The following FMN1 variants were observed in gnomAD, a reference collection of about 807,000 sequenced individuals.
FMN1 encodes the protein formin 1.
Under a neutral mutation model 132.4 loss-of-function variants are expected in FMN1, and 110 were observed. The observed-to-expected ratio is 0.83, with a 90% CI of 0.71 to 0.97. The LOEUF (loss-of-function observed/expected upper bound fraction) is 0.97, where lower values mean the gene tolerates loss of function less well. Ranked by LOEUF, FMN1 falls within the 50% of genes least tolerant of loss-of-function variation. The probability of loss-of-function intolerance (pLI) is 0.00; values close to 1 mark genes in which losing one functional copy is unlikely to be tolerated. For missense variants in FMN1, 1,792 were observed against 1,705.3 expected (o/e 1.05, Z -0.90); for synonymous variants, 722 against 651.7 (o/e 1.11, Z -1.64).
At chr15:33,017,511 T>C (rs1204409285) in intron 6 of FMN1, among the ~76,000 whole-genome samples, 2 of 152,110 alleles carry the variant, frequency 1.3e-5, no homozygotes, top group African/African-American at 4.8e-5. Flanking sequence ...GAATTATCAG[T>C]GAGTCAACCT....
intron 17 of FMN1, among the ~76,000 whole-genome samples, chr15:32,829,801 T>C (rs2058458783): frequency 6.6e-6 from 1 of 152,168 alleles, no homozygotes; most frequent in Non-Finnish European, 1.5e-5. Flanking sequence ...TACCAGCATA[T>C]ATAACCATGT....
At chr15:33,085,551 T>A (rs1430203396) in intron 5 of FMN1, among the ~76,000 whole-genome samples, 5 of 149,482 alleles carry the variant, frequency 3.3e-5, no homozygotes. Flanking sequence ...TATATTAAAA[T>A]TATACATATA....
chr15:33,066,534 C>A lies in FMN1; in HGVS notation c.2044-1460G>T, dbSNP rs2037734199. 3 of 1,564,794 alleles carry A rather than the reference C, an allele frequency of 1.9e-6. No individual in the cohort carries two copies. The African/African-American group carries it at 4.1e-5, about 22-fold the overall frequency. ...ACACTTTTGGAATCAGAGGGGCCATCCGCTGGCTTAGAATTGGACCGTTCA... is the reference window on the plus strand; with the variant it reads ...ACACTTTTGGAATCAGAGGGGCCATACGCTGGCTTAGAATTGGACCGTTCA... On this transcript the variant is annotated intron_variant, in intron 5 of 20. Transcript: ENST00000616417.
At chr15:32,947,433 T>C (rs1326064779) in intron 9 of FMN1, among the ~76,000 whole-genome samples, 1 of 152,092 alleles carries the variant, frequency 6.6e-6, no homozygotes, top group African/African-American at 2.4e-5. Flanking sequence ...CTAGCTCTTA[T>C]TACCTTATTT....
At chr15:33,151,221 T>G (rs1325124587) in intron 4 of FMN1, 1 of 1,533,558 alleles carries the variant, frequency 6.5e-7, no homozygotes, top group Admixed American at 2.0e-5. Flanking sequence ...ATAGGAAGTC[T>G]CCACAGTAGA....
At chr15:32,902,316 T>C (rs2060317972) in intron 12 of FMN1, among the ~76,000 whole-genome samples, 1 of 152,160 alleles carries the variant, frequency 6.6e-6, no homozygotes, top group Non-Finnish European at 1.5e-5. Flanking sequence ...AAACAAGTTA[T>C]CTATCTCCTG....
intron 4 of FMN1, among the ~76,000 whole-genome samples, chr15:33,115,021 TTA>T (rs1364579301): frequency 3.9e-5 from 6 of 152,192 alleles, no homozygotes; most frequent in Non-Finnish European, 1.5e-5. Flanking sequence ...TGTATTGATT[TTA>T]TAGAGTCCTC....
At chr15:33,115,494 C>A (rs1345725934) in intron 4 of FMN1, among the ~76,000 whole-genome samples, 53 of 116,450 alleles carry the variant, frequency 4.6e-4, no homozygotes, top group Non-Finnish European at 8.5e-4. Context: ...TCCTTAAGCC[C>A]CCCCCCCCCA....
chr15:32,922,936 G>A (rs2060869172), intron 10 of FMN1, among the ~76,000 whole-genome samples: 1 of 152,200 alleles, frequency 6.6e-6, no homozygotes, highest in South Asian at 2.1e-4. Flanking sequence ...GGGGAAAATG[G>A]CAGGTAGAGG....
chr15:33,021,029 C>T (rs73374843), intron 6 of FMN1, among the ~76,000 whole-genome samples: 1,656 of 152,250 alleles, frequency 0.011, 28 homozygotes, highest in African/African-American at 0.038. Context: ...TATAAGCTGA[C>T]GTGATGTAAG....
chr15:32,884,433 C>T (rs1596173981), intron 16 of FMN1, among the ~76,000 whole-genome samples: 1 of 152,290 alleles, frequency 6.6e-6, no homozygotes, highest in African/African-American at 2.4e-5. Context: ...CAGGGAAAGT[C>T]CTCAGCGTTT....
chr15:33,026,132 CAG>C (rs1298964493), intron 6 of FMN1, among the ~76,000 whole-genome samples: 1 of 112,118 alleles, frequency 8.9e-6, no homozygotes, highest in East Asian at 2.6e-4. Context: ...CACACACACA[CAG>C]AGGTTGATTG....
chr15:33,144,397 G>A (rs1484533761), intron 4 of FMN1, among the ~76,000 whole-genome samples: 2 of 152,086 alleles, frequency 1.3e-5, no homozygotes, highest in Non-Finnish European at 1.5e-5. Flanking sequence ...AGCACTTTGG[G>A]AGGCCGAGGT....
At chr15:32,910,655 G>T in intron 10 of FMN1, 120 bp from the exon 11 acceptor site, 1 of 741,422 alleles carries the variant, frequency 1.3e-6, no homozygotes. Context: ...TACACAAGCT[G>T]TGCCTCTCTG....
intron 4 of FMN1, among the ~76,000 whole-genome samples, chr15:33,102,315 G>A (rs904974217): frequency 9.2e-5 from 14 of 152,134 alleles, no homozygotes; most frequent in Admixed American, 5.9e-4. Context: ...TTGTTGAAAT[G>A]AGAAGATGTG....
intron 17 of FMN1, among the ~76,000 whole-genome samples, chr15:32,853,700 T>C (rs1302648382): frequency 6.6e-6 from 1 of 152,236 alleles, no homozygotes. Context: ...TGAACTATAA[T>C]GTATTTCTTA....
intron 3 of FMN1, among the ~76,000 whole-genome samples, chr15:33,165,169 T>C (rs912290215): frequency 1.3e-5 from 2 of 152,236 alleles, no homozygotes; most frequent in African/African-American, 4.8e-5. Flanking sequence ...GTGGGCTTAG[T>C]ACATTTTACT....
chr15:33,082,091 CAATGTGTG>C (rs1403260339), intron 5 of FMN1, among the ~76,000 whole-genome samples: 2 of 76,060 alleles, frequency 2.6e-5, no homozygotes, highest in African/African-American at 1.4e-4. Context: ...GGCTGGAAAA[CAATGTGTG>C]TGTGTGTGTG....
In FMN1 at chr15:32,926,209, G is replaced by T; in HGVS notation, c.3191C>A (p.Ser1064Tyr). 1 of 1,553,794 alleles carries T rather than the reference G, an allele frequency of 6.4e-7. No homozygotes were observed. Among genetic ancestry groups the T allele is most frequent in the South Asian group, 1.2e-5 (1 of 81,910 alleles). The change falls in exon 10 of 21, where the codon TCT (serine) becomes TAT (tyrosine). Residue 1064 changes from serine (S) to tyrosine (Y), a missense_variant. Ser to Tyr is a moderately radical substitution (Grantham distance 144). This residue lies in a region of FMN1 where 1,150 missense variants were observed against 1,043.1 expected (regional missense o/e 1.10). Coordinates refer to ENST00000616417, the MANE Select transcript of FMN1 (RefSeq NM_001277313.2). Reference sequence around the variant, plus strand: ...ATCCTTCATTTCTAAATGTAAACTAGATATCAAGATTCCCACAGTTTGAGA... The same window carrying T: ...ATCCTTCATTTCTAAATGTAAACTATATATCAAGATTCCCACAGTTTGAGA... Reference protein sequence around the residue: ...KRSQTVGILISSLHLEMKDIQ... With the variant: ...KRSQTVGILIYSLHLEMKDIQ...
Sources: gnomAD v4.1 joint callset for allele counts (sites outside exome capture counted in the v4.1 genomes callset) on GRCh38, gnomAD v4.1.1 for gene constraint, gnomAD v4.1.1 regional missense constraint, MANE v1.5 for transcripts, NCBI Gene and HGNC (gene_info 2026-07-23, HGNC 2026-07-21) for gene names.